The following USH2A variants were observed in gnomAD, a reference collection of about 807,000 sequenced individuals.
The protein encoded by USH2A is usherin.
Under a neutral mutation model 538.9 loss-of-function variants are expected in USH2A, and 443 were observed. The observed-to-expected ratio is 0.82, with a 90% confidence interval of 0.76 to 0.89. The LOEUF (loss-of-function observed/expected upper bound fraction) is 0.89. Among genes scored for constraint, USH2A ranks in the 40% least tolerant of loss-of-function variants. The pLI is 0.00. For synonymous variants in USH2A, 2,413 were observed against 2,273.5 expected (o/e 1.06, Z -1.75); for missense variants, 6,633 against 6,324.8 (o/e 1.05, Z -1.65).
chr1:216,004,255 T>C (rs1360606128), intron 32 of USH2A, among the ~76,000 whole-genome samples: 1 of 152,140 alleles, frequency 6.6e-6, no homozygotes, highest in Non-Finnish European at 1.5e-5. Flanking sequence ...TAAGTCATCA[T>C]CATATAGATG....
At chr1:216,094,671 C>A (rs926693163) in intron 22 of USH2A, among the ~76,000 whole-genome samples, 3 of 152,058 alleles carry the variant, frequency 2.0e-5, no homozygotes, top group African/African-American at 7.2e-5. Flanking sequence ...TGAAATATTT[C>A]TTTCCAACCT....
chr1:216,297,202 TC>T (rs2037124719), intron 9 of USH2A, among the ~76,000 whole-genome samples: 1 of 152,018 alleles, frequency 6.6e-6, no homozygotes, highest in Non-Finnish European at 1.5e-5. Flanking sequence ...AATACTTCTC[TC>T]ATAAGGTTGC....
chr1:216,162,585 G>T (rs12047317), intron 21 of USH2A, among the ~76,000 whole-genome samples: 3 of 152,166 alleles, frequency 2.0e-5, no homozygotes, highest in East Asian at 3.9e-4. Context: ...AAAATTACCA[G>T]ATTACCTCGA....
intron 20 of USH2A, among the ~76,000 whole-genome samples, chr1:216,186,141 G>T (rs974705429): frequency 2.0e-5 from 3 of 150,348 alleles, no homozygotes; most frequent in Non-Finnish European, 4.4e-5. Flanking sequence ...CTTTAGAAAA[G>T]AAAGGATTTT....
chr1:216,246,540 A>C, intron 13 of USH2A, 45 bp downstream of exon 13: 1 of 1,613,596 alleles, frequency 6.2e-7, no homozygotes, highest in Non-Finnish European at 8.5e-7. Context: ...AGTTAACAAA[A>C]GGAATGTCAT....
At position 215,864,058 on chromosome 1, in the gene USH2A, G is replaced by A. The variant is rs80285854; in HGVS notation, c.8845+2949C>T. 2.0e-3 allele frequency among the ~76,000 whole-genome samples: 303 copies of A among 152,254 alleles called. 3 individuals carry two copies. Among genetic ancestry groups the A allele is most frequent in the African/African-American group, 6.8e-3 (281 of 41,546 alleles). ...CACAACTGACTTCCTTAGTGAATCA[G>A]CTTCAAAGGAGGCACTATCTCTCCA... is the stretch of plus-strand genomic sequence containing the variant. On this transcript the variant is annotated intron_variant, in intron 44 of 71. Coordinates refer to ENST00000307340, the MANE Select transcript of USH2A (RefSeq NM_206933.4).
intron 49 of USH2A, among the ~76,000 whole-genome samples, chr1:215,803,195 T>A (rs1662391076): frequency 6.6e-6 from 1 of 152,128 alleles, no homozygotes; most frequent in Admixed American, 6.5e-5. Flanking sequence ...GGGCAAAAAC[T>A]GGAAGCATTC....
At chr1:215,959,146 T>C (rs1366082931) in intron 37 of USH2A, among the ~76,000 whole-genome samples, 1 of 145,326 alleles carries the variant, frequency 6.9e-6, no homozygotes, top group Non-Finnish European at 1.6e-5. Flanking sequence ...AAATAATATG[T>C]ATATATTATA....
chr1:216,374,951 A>T (rs1002709383), intron 3 of USH2A, among the ~76,000 whole-genome samples: 2 of 151,964 alleles, frequency 1.3e-5, no homozygotes, highest in African/African-American at 4.8e-5. Context: ...GGTGCTAAGT[A>T]GATTCGTGCT....
chr1:215,761,325 C>T (rs372178169), intron 56 of USH2A, among the ~76,000 whole-genome samples: 1 of 152,152 alleles, frequency 6.6e-6, no homozygotes, highest in Non-Finnish European at 1.5e-5. Context: ...TAACTTGAAC[C>T]CCATCTAATG....
Position 216,078,304 on chromosome 1 carries a change from T to C in USH2A, c.5357A>G (p.Gln1786Arg). ...GGATAGCCCCAGCAATAGATCCACTTGTGTAAAGGCAAGACTGGTATTTAA... is the reference window on the plus strand; with the variant it reads ...GGATAGCCCCAGCAATAGATCCACTCGTGTAAAGGCAAGACTGGTATTTAA... ...FRLNTSLAFT[Q>R]VDLLLGLSYC... Residue 1786 changes from glutamine to arginine, a missense_variant, in exon 27 of 72, where the codon CAA becomes CGA. Physicochemically the swap from Gln to Arg is conservative, Grantham distance 43. Coordinates refer to ENST00000307340, the MANE Select transcript of USH2A (RefSeq NM_206933.4). 1 of 1,613,766 alleles carries C rather than the reference T, an allele frequency of 6.2e-7. No homozygotes were observed.
intron 14 of USH2A, among the ~76,000 whole-genome samples, chr1:216,221,126 C>T (rs559539007): frequency 1.3e-5 from 2 of 152,128 alleles, no homozygotes; most frequent in Non-Finnish European, 2.9e-5. Context: ...ACCAGGGAAG[C>T]TTTAGACTTA....
chr1:215,791,547 A>G (rs1161003057), intron 50 of USH2A, among the ~76,000 whole-genome samples: 3 of 152,218 alleles, frequency 2.0e-5, no homozygotes, highest in Non-Finnish European at 4.4e-5. Context: ...AAAAGTCTCT[A>G]ATATTAAAAA....
At chr1:216,392,166 G>A (rs1049132710) in intron 3 of USH2A, among the ~76,000 whole-genome samples, 3 of 152,070 alleles carry the variant, frequency 2.0e-5, no homozygotes, top group African/African-American at 7.2e-5. Flanking sequence ...ATCTTTACAT[G>A]ATGCAAGGAC....
chr1:215,773,494 C>CTG lies in USH2A; in HGVS notation c.10939+6348_10939+6349insCA, dbSNP rs1275958293. Among the ~76,000 whole-genome samples the CTG allele has an allele frequency of 5.4e-3, 685 of 127,426 alleles. 14 individuals are homozygous for CTG. Among genetic ancestry groups the CTG allele is most frequent in the African/African-American group, 0.022 (618 of 27,948 alleles). The allele number at this position is 127,426 out of a possible 152,430, so 83.6% of individuals were successfully genotyped here. A position where few individuals can be genotyped will look rare whatever the true frequency, so the allele number is the denominator to read the frequency against. On this transcript the variant is annotated intron_variant, in intron 55 of 71. Coordinates refer to ENST00000307340, the MANE Select transcript of USH2A (RefSeq NM_206933.4). Reference sequence around the variant, plus strand: ...TACGGATGTCTCTCTGTCTCTCTGTCTCTCTCTCTCTCTCTCTGTCTCTCT... The same window carrying CTG: ...TACGGATGTCTCTCTGTCTCTCTGTCTGTCTCTCTCTCTCTCTCTGTCTCTCT...
chr1:215,639,291 A>G, intron 68 of USH2A, 53 bp from the exon 69 acceptor site: 1 of 1,559,146 alleles, frequency 6.4e-7, no homozygotes, highest in Non-Finnish European at 8.8e-7. Flanking sequence ...ACCTACAAAT[A>G]GGGCACATGC....
At chr1:216,416,285 T>C (rs574698286) in intron 3 of USH2A, among the ~76,000 whole-genome samples, 1 of 152,310 alleles carries the variant, frequency 6.6e-6, no homozygotes, top group South Asian at 2.1e-4. Flanking sequence ...ATAATTGCTC[T>C]TTAATTTTCA....
intron 50 of USH2A, among the ~76,000 whole-genome samples, chr1:215,792,766 A>G (rs753103931): frequency 2.4e-4 from 36 of 152,182 alleles, no homozygotes; most frequent in Non-Finnish European, 4.9e-4. Context: ...TACCTAATTT[A>G]TCACATGTAG....
chr1:215,664,967 A>G (rs1333858156), intron 64 of USH2A, among the ~76,000 whole-genome samples: 4 of 152,238 alleles, frequency 2.6e-5, no homozygotes, highest in Non-Finnish European at 2.9e-5. Flanking sequence ...TTATGAGGAA[A>G]GGCCCAAAGA....
Sources: gnomAD v4.1 joint callset for allele counts (sites outside exome capture counted in the v4.1 genomes callset) on GRCh38, gnomAD v4.1.1 for gene constraint, MANE v1.5 for transcripts, NCBI Gene and HGNC (gene_info 2026-07-23, HGNC 2026-07-21) for gene names.